Variants in CHD2 observed in about 807,000 individuals in gnomAD.
CHD2 encodes the protein ATP-dependent chromatin remodeler CHD2.
Under a neutral mutation model 243.9 loss-of-function variants are expected in CHD2, and 28 were observed. That is an observed-to-expected ratio of 0.11 (90% CI 0.09 to 0.16). CHD2 has a LOEUF of 0.16. Among genes scored for constraint, CHD2 ranks in the 10% least tolerant of loss-of-function variants. The pLI is 1.00. For synonymous variants in CHD2, 775 were observed against 779.0 expected (o/e 0.99, Z 0.09); for missense variants, 1,386 against 2,209.8 (o/e 0.63, Z 7.47).
intron 36 of CHD2, among the ~76,000 whole-genome samples, chr15:93,013,910 CAG>C (rs1482889484): frequency 9.4e-6 from 1 of 106,596 alleles, no homozygotes; most frequent in African/African-American, 3.7e-5. Flanking sequence ...ATGCCTGCGA[CAG>C]AGTGAGACTC....
chr15:92,935,005 G>T (rs139228728), intron 5 of CHD2, among the ~76,000 whole-genome samples: 115 of 150,168 alleles, frequency 7.7e-4, no homozygotes, highest in Non-Finnish European at 1.4e-3. Context: ...TGGACTAGTT[G>T]ATTTGCTAAG....
chr15:92,915,607 A>G (rs1345703894), intron 2 of CHD2, among the ~76,000 whole-genome samples: 1 of 152,222 alleles, frequency 6.6e-6, no homozygotes, highest in Non-Finnish European at 1.5e-5. Context: ...AGACATAGCT[A>G]GGGTCACTTT....
Position 92,941,960 on chromosome 15 carries a change from G to A in CHD2, c.826+5G>A. ...CAAGACTGGGAAAGAAAGGAGGTATGTGTATTTGGGGAGCAAATTACATTT... is the reference window on the plus strand; with the variant it reads ...CAAGACTGGGAAAGAAAGGAGGTATATGTATTTGGGGAGCAAATTACATTT... On this transcript the variant is annotated splice_donor_5th_base_variant and intron_variant, in intron 8 of 38. Coordinates refer to ENST00000394196, the MANE Select transcript of CHD2 (RefSeq NM_001271.4). 4 of 1,610,536 alleles carry A rather than the reference G, an allele frequency of 2.5e-6. No homozygotes were observed. Among genetic ancestry groups the A allele is most frequent in the Non-Finnish European group, 3.4e-6 (4 of 1,178,756 alleles).
chr15:93,006,308 G>A (rs1407508558), intron 34 of CHD2, among the ~76,000 whole-genome samples: 4 of 151,830 alleles, frequency 2.6e-5, no homozygotes, highest in Non-Finnish European at 4.4e-5. Context: ...TGTATTTTTA[G>A]TAGATATGAG....
intron 6 of CHD2, among the ~76,000 whole-genome samples, chr15:92,938,277 C>T (rs2141775405): frequency 6.6e-6 from 1 of 152,234 alleles, no homozygotes; most frequent in East Asian, 1.9e-4. Context: ...AATTTGAACT[C>T]CAATTAAGTG....
intron 12 of CHD2, chr15:92,947,135 A>C (rs1017905701): frequency 6.6e-6 from 1 of 152,216 alleles, no homozygotes. Context: ...AGAAGTTGAC[A>C]TTCATGTTAA....
intron 25 of CHD2, among the ~76,000 whole-genome samples, chr15:92,985,024 T>G (rs2054024135): frequency 6.6e-6 from 1 of 152,212 alleles, no homozygotes; most frequent in African/African-American, 2.4e-5. Context: ...TTGGAGGTAA[T>G]AGACACAGAT....
At chr15:93,020,614 T>C (rs1050481911) in intron 38 of CHD2, 8 of 448,464 alleles carry the variant, frequency 1.8e-5, no homozygotes, top group African/African-American at 1.4e-4. Flanking sequence ...CCCACAGTCC[T>C]TACCTGCCAC....
intron 20 of CHD2, 32 bp from the exon 21 acceptor site, chr15:92,978,202 C>T (rs962200939): frequency 2.5e-6 from 4 of 1,613,160 alleles, no homozygotes; most frequent in Non-Finnish European, 3.4e-6. Flanking sequence ...GAGAAGGCCA[C>T]TGCATAAAGT....
At chr15:92,909,314 C>T (rs2052684535) in intron 2 of CHD2, among the ~76,000 whole-genome samples, 1 of 152,100 alleles carries the variant, frequency 6.6e-6, no homozygotes, top group Non-Finnish European at 1.5e-5. Flanking sequence ...TTCTAAACTT[C>T]CTTTCCCTTG....
chr15:92,901,071 T>C, intron 1 of CHD2, 96 bp from the exon 2 acceptor site: 1 of 658,180 alleles, frequency 1.5e-6, no homozygotes, highest in Non-Finnish European at 2.7e-6. Context: ...CGTTGTTGTG[T>C]TATAACAATA....
At chr15:92,900,931 T>G in intron 1 of CHD2, 107 bp downstream of exon 1, 1 of 427,386 alleles carries the variant, frequency 2.3e-6, no homozygotes, top group Non-Finnish European at 4.1e-6. Context: ...GATACAGAGA[T>G]TGTTATTTGT....
rs756877014 is a variant in CHD2 at position 92,946,167 on chromosome 15, G to A, written c.1328G>A (p.Ser443Asn). 6 of 1,613,700 alleles carry A rather than the reference G, an allele frequency of 3.7e-6. No homozygotes were observed. The highest frequency in any genetic ancestry group is 1.7e-4 in the Middle Eastern group (1 of 6,060). Residue 443 changes from serine (S) to asparagine (N), a missense_variant, in exon 12 of 39, where the codon AGC (serine) becomes AAC (asparagine). By Grantham distance (46) the Ser-to-Asn change is conservative. Around this residue, in one of 19 missense-constraint regions of CHD2, gnomAD observed 200 missense variants for 292.5 expected, o/e 0.68. Transcript: ENST00000394196. ...IGKKFQNCID[S>N]FHSRNNSKTI... ...AAGAAATTCCAGAATTGCATTGACAGCTTCCACAGTAGGAACAACTCAAAA... is the reference window on the plus strand; with the variant it reads ...AAGAAATTCCAGAATTGCATTGACAACTTCCACAGTAGGAACAACTCAAAA...
chr15:92,964,811 A>G (rs2053735421), intron 16 of CHD2, among the ~76,000 whole-genome samples: 1 of 152,270 alleles, frequency 6.6e-6, no homozygotes. Flanking sequence ...GTGCAAATAT[A>G]TACTTCAGAC....
chr15:92,987,715 C>T (rs1265144778), intron 26 of CHD2, among the ~76,000 whole-genome samples: 1 of 150,816 alleles, frequency 6.6e-6, no homozygotes, highest in Admixed American at 6.6e-5. Context: ...ACATTTAATG[C>T]AGTTATTATA....
intron 37 of CHD2, among the ~76,000 whole-genome samples, chr15:93,018,870 C>T (rs1414023953): frequency 2.6e-5 from 4 of 152,216 alleles, no homozygotes; most frequent in Non-Finnish European, 5.9e-5. Context: ...ATGATGTCAT[C>T]TAGAGATTTT....
At position 92,957,050 on chromosome 15, in the gene CHD2, A is replaced by G. The variant is rs141569998; in HGVS notation, c.2000+401A>G. The stretch of plus-strand genomic sequence containing the variant: ...CATCAATTTTACATCTTATTCACGT[A>G]TTATTAAAGAACTATGGAATGTGTT... On this transcript the variant is annotated intron_variant, in intron 16 of 38. Transcript: ENST00000394196. Among the ~76,000 whole-genome samples, 64 of 152,362 alleles carry G rather than the reference A, an allele frequency of 4.2e-4. No individual in the cohort carries two copies. The East Asian group carries it at 0.012, about 28-fold the overall frequency.
intron 5 of CHD2, among the ~76,000 whole-genome samples, chr15:92,929,353 G>A (rs999085707): frequency 6.6e-6 from 1 of 151,994 alleles, no homozygotes; most frequent in Non-Finnish European, 1.5e-5. Context: ...TTCTTCCATC[G>A]GGTTAACCCA....
intron 8 of CHD2, among the ~76,000 whole-genome samples, chr15:92,942,630 T>G (rs2053401683): frequency 7.6e-6 from 1 of 132,394 alleles, no homozygotes; most frequent in African/African-American, 2.7e-5. Flanking sequence ...ACCTGCAAAT[T>G]TAGGAATATG....
Sources: allele counts gnomAD v4.1 joint callset (sites outside exome capture counted in the v4.1 genomes callset), GRCh38; gene constraint gnomAD v4.1.1; regional missense constraint gnomAD v4.1.1; transcripts MANE v1.5; gene names NCBI Gene and HGNC (gene_info 2026-07-23, HGNC 2026-07-21).